POTEJ: variants seen among roughly 807,000 people sequenced by gnomAD.
POTEJ encodes the protein POTE ankyrin domain family member J.
POTEJ carries 11 observed loss-of-function variants against 69.0 expected under a neutral mutation model. The ratio of observed to expected loss-of-function variants is 0.16; its 90% CI spans 0.10 to 0.26. The LOEUF is 0.26. Ranked by LOEUF, POTEJ falls within the 10% of genes least tolerant of loss-of-function variation. The pLI, the probability that POTEJ is intolerant of heterozygous loss-of-function variation, is 1.00. For synonymous variants in POTEJ, 117 were observed against 381.1 expected, an observed-to-expected ratio of 0.31 and a Z score of 8.07; for missense variants, 327 against 1,045.5, an observed-to-expected ratio of 0.31 and a Z score of 9.48.
At chr2:130,641,447 G>C (rs1028336137) in intron 10 of POTEJ, among the ~76,000 whole-genome samples, 1 of 148,572 alleles carries the variant, frequency 6.7e-6, no homozygotes, top group African/African-American at 2.5e-5. Context: ...ATAGTTGGCA[G>C]TTTTCTTTTA....
intron 6 of POTEJ, among the ~76,000 whole-genome samples, chr2:130,627,034 G>A (rs1391735287): frequency 6.6e-6 from 1 of 152,152 alleles, no homozygotes; most frequent in Non-Finnish European, 1.5e-5. Context: ...AAAGCCTTGG[G>A]GGACAGAGAG....
intron 1 of POTEJ, among the ~76,000 whole-genome samples, chr2:130,613,535 G>C (rs1685320423): frequency 7.3e-6 from 1 of 136,520 alleles, no homozygotes; most frequent in Non-Finnish European, 1.5e-5. Flanking sequence ...TGAGTAGCTG[G>C]GATTACAGGC....
chr2:130,633,751 G>A (rs1053328039), intron 9 of POTEJ, among the ~76,000 whole-genome samples: 3 of 142,518 alleles, frequency 2.1e-5, no homozygotes, highest in Non-Finnish European at 4.6e-5. Flanking sequence ...ATATTGCCAA[G>A]GGATTGTACA....
At chr2:130,622,709 T>C (rs997617296) in intron 5 of POTEJ, 4 of 148,792 alleles carry the variant, frequency 2.7e-5, no homozygotes, top group South Asian at 2.1e-4. Flanking sequence ...GATTTTAAAA[T>C]ATTTTCAAAC....
intron 9 of POTEJ, among the ~76,000 whole-genome samples, chr2:130,636,277 T>G (rs1672050855): frequency 6.6e-6 from 1 of 152,232 alleles, no homozygotes; most frequent in Non-Finnish European, 1.5e-5. Context: ...AAGAACCGTG[T>G]ACTACCCAGA....
intron 14 of POTEJ, among the ~76,000 whole-genome samples, chr2:130,656,149 A>G (rs577398414): frequency 2.7e-5 from 4 of 145,510 alleles, no homozygotes; most frequent in Non-Finnish European, 6.1e-5. Flanking sequence ...GTTAGATATC[A>G]GAGTGTAAAC....
Position 130,613,265 on chromosome 2 carries a change from CATATATATACATATGTATATATACATAT to C in POTEJ, c.410+1329_410+1356del, listed in dbSNP as rs1333228643. On this transcript the variant is annotated intron_variant, in intron 1 of 14. Transcript: ENST00000409602. ...ATATACATATATATACACATATATA[CATATATATACATATGTATATATACATAT>C]ATATACATATGTATATATACATATA... Among the ~76,000 whole-genome samples the C allele has an allele frequency of 3.4e-5, 2 of 58,294 alleles. 1 individual carries two copies. Among genetic ancestry groups the C allele is most frequent in the Non-Finnish European group, 5.8e-5 (2 of 34,278 alleles). The allele number at this position is 58,294 out of a possible 152,430, so 38.2% of individuals were successfully genotyped here. A position where few individuals can be genotyped will look rare whatever the true frequency, so the allele number is the denominator to read the frequency against.
intron 10 of POTEJ, among the ~76,000 whole-genome samples, chr2:130,640,163 C>T (rs1686296458): frequency 6.8e-6 from 1 of 146,546 alleles, no homozygotes; most frequent in Non-Finnish European, 1.5e-5. Flanking sequence ...GCAGAAGGAA[C>T]ATGGAGTGAG....
intron 10 of POTEJ, among the ~76,000 whole-genome samples, chr2:130,639,494 A>G (rs1254805743): frequency 1.3e-5 from 2 of 152,304 alleles, no homozygotes; most frequent in Non-Finnish European, 2.9e-5. Flanking sequence ...CTCTGCTACC[A>G]TTTGCCAAAA....
chr2:130,613,266 A>ATATG (rs1685286218), intron 1 of POTEJ, among the ~76,000 whole-genome samples: 3 of 51,338 alleles, frequency 5.8e-5, no homozygotes, highest in African/African-American at 5.0e-4. Flanking sequence ...ACATATATAC[A>ATATG]TATATATACA....
intron 10 of POTEJ, among the ~76,000 whole-genome samples, chr2:130,639,226 G>A (rs1159860632): frequency 5.9e-5 from 9 of 152,302 alleles, no homozygotes; most frequent in Non-Finnish European, 8.8e-5. Flanking sequence ...CCAGTCTGTG[G>A]CCTGGGAGTT....
Position 130,618,573 on chromosome 2 carries a change from T to TAAC in POTEJ, c.699+1357_699+1359dup, listed in dbSNP as rs751761769. On this transcript the variant is annotated intron_variant, in intron 3 of 14. Transcript: ENST00000409602. ...GGTCAACATAATGAGACCCTGTCTC[T>TAAC]AACAACAACAACAACAACAACAACG... is the stretch of plus-strand genomic sequence containing the variant. 4.5e-3 allele frequency among the ~76,000 whole-genome samples: 660 copies of TAAC among 147,008 alleles called. 5 individuals carry two copies. The highest frequency in any genetic ancestry group is 6.2e-3 in the African/African-American group (233 of 37,562).
chr2:130,633,063 C>G (rs1262984393), intron 9 of POTEJ, among the ~76,000 whole-genome samples: 49 of 145,140 alleles, frequency 3.4e-4, no homozygotes, highest in African/African-American at 1.3e-3. Flanking sequence ...TCAAGTAGAC[C>G]CTGGTGCCTG....
chr2:130,647,934 C>T (rs1686649816), intron 13 of POTEJ, among the ~76,000 whole-genome samples: 1 of 145,472 alleles, frequency 6.9e-6, no homozygotes, highest in African/African-American at 2.6e-5. Context: ...ATTCACCTCA[C>T]CGTATTTTTC....
chr2:130,641,578 A>G (rs1420240549), intron 10 of POTEJ, among the ~76,000 whole-genome samples: 3 of 151,360 alleles, frequency 2.0e-5, no homozygotes, highest in Non-Finnish European at 4.4e-5. Context: ...CTTGGGGGAC[A>G]GAGAGAAATC....
At chr2:130,641,543 T>G (rs1473522123) in intron 10 of POTEJ, among the ~76,000 whole-genome samples, 60 of 150,746 alleles carry the variant, frequency 4.0e-4, no homozygotes, top group Admixed American at 2.0e-3. Context: ...GTCAATATGA[T>G]TTAGTGATAA....
At chr2:130,624,372 T>C (rs1187849321) in intron 6 of POTEJ, among the ~76,000 whole-genome samples, 6 of 141,866 alleles carry the variant, frequency 4.2e-5, no homozygotes, top group Non-Finnish European at 6.0e-5. Context: ...TGAACTAATT[T>C]TTCTGCAACT....
intron 9 of POTEJ, among the ~76,000 whole-genome samples, chr2:130,632,973 A>G (rs1428801519): frequency 2.0e-5 from 3 of 147,876 alleles, no homozygotes; most frequent in South Asian, 2.1e-4. Context: ...TTTGGACGGC[A>G]GATTATTTCA....
chr2:130,633,028 A>G (rs879301194), intron 9 of POTEJ, among the ~76,000 whole-genome samples: 1,632 of 121,446 alleles, frequency 0.013, 7 homozygotes, highest in African/African-American at 0.017. Context: ...TTTTTTGGTC[A>G]TCTCCCTCCC....
Sources: allele counts gnomAD v4.1 joint callset (sites outside exome capture counted in the v4.1 genomes callset), GRCh38; gene constraint gnomAD v4.1.1; transcripts MANE v1.5; gene names NCBI Gene and HGNC (gene_info 2026-07-23, HGNC 2026-07-21).